Variants in HIGD1C observed in about 807,000 individuals in gnomAD.
HIGD1C encodes HIG1 hypoxia inducible domain family member 1C.
A neutral mutation model predicts 13.1 loss-of-function variants in HIGD1C; 11 were observed. The observed-to-expected ratio is 0.84, with a 90% confidence interval of 0.53 to 1.39. The LOEUF (loss-of-function observed/expected upper bound fraction) is 1.39. Ranked by LOEUF, HIGD1C falls within the 40% of genes most tolerant of loss-of-function variation. The probability of loss-of-function intolerance (pLI) is 0.00; values close to 1 mark genes in which losing one functional copy is unlikely to be tolerated. For synonymous variants in HIGD1C, 36 were observed against 37.7 expected, an observed-to-expected ratio of 0.95 and a Z score of 0.17; for missense variants, 110 against 112.0, an observed-to-expected ratio of 0.98 and a Z score of 0.08.
intron 1 of HIGD1C, among the ~76,000 whole-genome samples, chr12:50,955,594 C>T (rs576201267): frequency 6.6e-5 from 10 of 152,214 alleles, no homozygotes; most frequent in South Asian, 6.2e-4. Context: ...CAGATGTTCC[C>T]GTTAAGTGTT....
chr12:50,969,893 C>G (rs986372032), intron 2 of HIGD1C, among the ~76,000 whole-genome samples: 3 of 152,038 alleles, frequency 2.0e-5, no homozygotes, highest in African/African-American at 7.2e-5. Context: ...AGAACATTTG[C>G]TGACATCCTT....
At chr12:50,953,049 G>A (rs2139779402), upstream of HIGD1C, among the ~76,000 whole-genome samples, 1 of 152,248 alleles carries the variant, frequency 6.6e-6, no homozygotes, top group African/African-American at 2.4e-5. Context: ...GGCTGCTACT[G>A]GTGAGTTTCT....
chr12:50,945,294 G>A, the HIGD1C span, among the ~76,000 whole-genome samples: 7 of 152,270 alleles, frequency 4.6e-5, no homozygotes, highest in South Asian at 6.2e-4. Flanking sequence ...AAGTCAAATC[G>A]TCCCTGTTTG....
At chr12:50,941,836 TAC>T in the HIGD1C span, among the ~76,000 whole-genome samples, 1 of 152,200 alleles carries the variant, frequency 6.6e-6, no homozygotes, top group African/African-American at 2.4e-5. Flanking sequence ...CAGGCTGAAC[TAC>T]AGAGTAAATC....
intron 2 of HIGD1C, among the ~76,000 whole-genome samples, chr12:50,962,261 T>C (rs978876524): frequency 2.0e-5 from 3 of 149,466 alleles, no homozygotes; most frequent in East Asian, 2.0e-4. Flanking sequence ...ACACACAAAA[T>C]AGCTGGGTGT....
At chr12:50,949,967 C>T (rs535214170), upstream of HIGD1C, among the ~76,000 whole-genome samples, 17 of 152,218 alleles carry the variant, frequency 1.1e-4, no homozygotes, top group African/African-American at 3.1e-4. Context: ...TAATCAATCA[C>T]GGTTTCTTTG....
chr12:50,967,356 A>C (rs1592269911), intron 2 of HIGD1C, among the ~76,000 whole-genome samples: 1 of 152,140 alleles, frequency 6.6e-6, no homozygotes, highest in Non-Finnish European at 1.5e-5. Flanking sequence ...TATGTTGCCC[A>C]GGCAAGTCTC....
At chr12:50,961,329 T>C (rs1256728930) in intron 2 of HIGD1C, among the ~76,000 whole-genome samples, 1 of 152,132 alleles carries the variant, frequency 6.6e-6, no homozygotes, top group Non-Finnish European at 1.5e-5. Context: ...ACTAGGGCAA[T>C]GGGCTGTTCT....
chr12:50,953,575 G>A (rs899919267), upstream of HIGD1C, among the ~76,000 whole-genome samples: 1 of 152,070 alleles, frequency 6.6e-6, no homozygotes, highest in African/African-American at 2.4e-5. Context: ...CTGTAAATCT[G>A]GAAGTATTTT....
At chr12:50,967,040 G>A (rs1939565286) in intron 2 of HIGD1C, among the ~76,000 whole-genome samples, 1 of 151,908 alleles carries the variant, frequency 6.6e-6, no homozygotes. Flanking sequence ...CTTGAACCCA[G>A]GAGGCAGAGG....
chr12:50,965,768 C>T (rs1939517556), intron 2 of HIGD1C, among the ~76,000 whole-genome samples: 1 of 152,128 alleles, frequency 6.6e-6, no homozygotes, highest in African/African-American at 2.4e-5. Context: ...GAACAGGTAC[C>T]CTGGTAAATG....
At chr12:50,952,179 T>C (rs149126580), upstream of HIGD1C, among the ~76,000 whole-genome samples, 451 of 151,660 alleles carry the variant, frequency 3.0e-3, 1 homozygote, top group African/African-American at 0.01. Flanking sequence ...TTTTGAACAC[T>C]GTACTATGGT....
At chr12:50,959,699 G>A (rs1164386365) in intron 1 of HIGD1C, among the ~76,000 whole-genome samples, 1 of 152,014 alleles carries the variant, frequency 6.6e-6, no homozygotes, top group Non-Finnish European at 1.5e-5. Context: ...CCAAGCTGGA[G>A]TGCAGTAGCA....
chr12:50,950,194 G>A (rs987914583), upstream of HIGD1C, among the ~76,000 whole-genome samples: 6 of 152,116 alleles, frequency 3.9e-5, no homozygotes, highest in African/African-American at 1.2e-4. Flanking sequence ...ATGGGCCAGC[G>A]TCTTCAAGGG....
chr12:50,952,359 T>C (rs187910907), upstream of HIGD1C, among the ~76,000 whole-genome samples: 1 of 152,302 alleles, frequency 6.6e-6, no homozygotes, highest in African/African-American at 2.4e-5. Flanking sequence ...TGGGGACTTT[T>C]CTATAAGTCT....
At chr12:50,965,111 GTTTT>G (rs1187299208) in intron 2 of HIGD1C, among the ~76,000 whole-genome samples, 3 of 151,736 alleles carry the variant, frequency 2.0e-5, no homozygotes, top group East Asian at 3.9e-4. Flanking sequence ...ATGTTTGTGG[GTTTT>G]TTTGTTTTTG....
At chr12:50,953,930 A>T in exon 1 of HIGD1C, 1 of 898,678 alleles carries the variant, frequency 1.1e-6, no homozygotes, top group Non-Finnish European at 1.8e-6. Flanking sequence ...ATGATGGGAG[A>T]GGAAAAACAA....
chr12:50,968,102 AAGGAGGAGG>A (rs35382142), intron 2 of HIGD1C, among the ~76,000 whole-genome samples: 6 of 147,240 alleles, frequency 4.1e-5, no homozygotes, highest in African/African-American at 8.0e-5. Context: ...TAAGAAGAAG[AAGGAGGAGG>A]AGGAGGAGGA....
At chr12:50,969,994 T>C (rs1160145946) in intron 2 of HIGD1C, among the ~76,000 whole-genome samples, 2 of 152,108 alleles carry the variant, frequency 1.3e-5, no homozygotes, top group African/African-American at 4.8e-5. Flanking sequence ...GTGGAAGCCA[T>C]ACATATCATC....
Sources: allele counts gnomAD v4.1 joint callset (sites outside exome capture counted in the v4.1 genomes callset), GRCh38; gene constraint gnomAD v4.1.1; transcripts MANE v1.5; gene names NCBI Gene and HGNC (gene_info 2026-07-23, HGNC 2026-07-21).